KIF18B: variants seen among roughly 807,000 people sequenced by gnomAD.
KIF18B encodes kinesin-like protein KIF18B.
In KIF18B, 49 loss-of-function variants were observed where a neutral mutation model predicts 80.9. The ratio of observed to expected loss-of-function variants is 0.61; its 90% CI spans 0.48 to 0.77. KIF18B has a LOEUF of 0.77. Ranked by LOEUF, KIF18B falls within the 30% of genes least tolerant of loss-of-function variation. KIF18B has a pLI of 0.00. For missense variants in KIF18B, 994 were observed against 1,127.7 expected, an observed-to-expected ratio of 0.88 and a Z score of 1.70; for synonymous variants, 439 against 463.9, an observed-to-expected ratio of 0.95 and a Z score of 0.69.
intron 1 of KIF18B, among the ~76,000 whole-genome samples, chr17:44,941,131 C>G (rs917271557): frequency 3.3e-5 from 5 of 152,112 alleles, no homozygotes; most frequent in Non-Finnish European, 1.5e-5. Flanking sequence ...GGTCTCAATG[C>G]TAGTGAGTGA....
intron 11 of KIF18B, 96 bp from the exon 12 acceptor site, chr17:44,929,120 T>C: frequency 2.7e-6 from 3 of 1,123,114 alleles, no homozygotes; most frequent in South Asian, 1.3e-5. Flanking sequence ...CCAGCTGTGG[T>C]TGAGGAGTCT....
chr17:44,934,734 A>G lies in KIF18B; in HGVS notation c.576+97T>C. ...CCCCCTTGCTACCACCACCACTGCT[A>G]CCACCATCACAGGACCCAGGGCATC... On this transcript the variant is annotated intron_variant, in intron 4 of 15. Transcript: ENST00000593135. This position sits in a 1 kb window ranked among gnomAD's most constrained non-coding sequence, Gnocchi z 5.4. 1 of 1,252,710 alleles carries G rather than the reference A, an allele frequency of 8.0e-7. No individual in the cohort carries two copies. Among genetic ancestry groups the G allele is most frequent in the East Asian group, 2.6e-5 (1 of 38,990 alleles). The allele number at this position is 1,252,710 out of a possible 1,614,324, so 77.6% of individuals were successfully genotyped here.
chr17:44,937,977 T>TATAC (rs1467791325), intron 1 of KIF18B, among the ~76,000 whole-genome samples: 1 of 143,940 alleles, frequency 6.9e-6, no homozygotes. Flanking sequence ...AGCATCTCCA[T>TATAC]ACACACACAC....
In KIF18B at chr17:44,934,673, C is replaced by A; in HGVS notation, c.577-56G>T. ...TGGGTTCCCGGATCAGGACTTTTCC[C>A]CTAACAGGAAGGGCTGCTCTTCAGA... On this transcript the variant is annotated intron_variant, in intron 4 of 15. Transcript: ENST00000593135. This position sits in a 1 kb window ranked among gnomAD's most constrained non-coding sequence, Gnocchi z 5.4. The A allele has an allele frequency of 6.9e-7, 1 of 1,439,516 alleles. No homozygotes were observed. Among genetic ancestry groups the A allele is most frequent in the South Asian group, 1.4e-5 (1 of 73,716 alleles). The allele number at this position is 1,439,516 out of a possible 1,614,324, so 89.2% of individuals were successfully genotyped here. A position where few individuals can be genotyped will look rare whatever the true frequency, so the allele number is the denominator to read the frequency against.
At chr17:44,941,593 C>T (rs994783333) in intron 1 of KIF18B, among the ~76,000 whole-genome samples, 1 of 152,162 alleles carries the variant, frequency 6.6e-6, no homozygotes, top group East Asian at 1.9e-4. Context: ...CCTGCCTTGG[C>T]CTCCCAAAGT....
Position 44,934,969 on chromosome 17 carries a change from G to A in KIF18B, c.472-34C>T, listed in dbSNP as rs756624777. ...GGAAGAAAGGAAGAGGCCTGAGGGA[G>A]AGCGGCCCATCAGGAAACCTCTCCC... On this transcript the variant is annotated intron_variant, in intron 3 of 15. Transcript: ENST00000593135. This position sits in a 1 kb window ranked among gnomAD's most constrained non-coding sequence, Gnocchi z 5.4. 4.3e-5 allele frequency: 61 copies of A among 1,426,524 alleles called. No homozygotes were observed. Among genetic ancestry groups the A allele is most frequent in the Non-Finnish European group, 5.5e-5 (58 of 1,045,378 alleles). The allele number at this position is 1,426,524 out of a possible 1,614,324, so 88.4% of individuals were successfully genotyped here.
rs1362536324 is a variant in KIF18B, at chr17:44,927,042, C to G, written c.2313G>C (p.Lys771Asn). 2.5e-6 allele frequency: 4 copies of G among 1,612,680 alleles called. No individual in the cohort carries two copies. The highest frequency in any genetic ancestry group is 3.3e-5 in the Admixed American group (2 of 59,876). Residue 771 changes from lysine (K) to asparagine (N), a missense_variant, in exon 14 of 16, where the codon AAG becomes AAC. By Grantham distance (94) the Lys-to-Asn change is moderately conservative. Transcript: ENST00000593135. The surrounding 1 kb of genome is among the most constrained non-coding windows in gnomAD (Gnocchi z 4.1). ...AGGTCCCAGGGAGGGAAGATGTTGG[C>G]TTGGGGCCCTTCATGGTGAACAGGG... ...PVPLFTMKGP[K>N]PTSSLPGTSA...
Position 44,931,611 on chromosome 17 carries a change from C to T in KIF18B, c.1508G>A (p.Arg503His), listed in dbSNP as rs748677447. The T allele has an allele frequency of 2.0e-5, 32 of 1,613,854 alleles. No homozygotes were observed. Among genetic ancestry groups the T allele is most frequent in the Middle Eastern group, 1.6e-4 (1 of 6,084 alleles). Residue 503 changes from arginine to histidine, a missense_variant, in exon 11 of 16, where the codon CGT becomes CAT. By Grantham distance (29) the Arg-to-His change is conservative. Coordinates refer to ENST00000593135, the MANE Select transcript of KIF18B (RefSeq NM_001265577.2). The stretch of plus-strand genomic sequence containing the variant: ...GCAAGAAGATACCTACTGCTTAGAA[C>T]GGTCCCCATCCAGTTCCCGTGCTGA... ...HFSARELDGD[R>H]SKQLALKVLC...
rs1483765443 is a variant in KIF18B at position 44,934,594 on chromosome 17, C to T, written c.600G>A (p.Leu200=). The change falls in exon 5 of 16, where the codon CTG becomes CTA. Residue 200 remains leucine, a synonymous_variant. Coordinates refer to ENST00000593135, the MANE Select transcript of KIF18B (RefSeq NM_001265577.2). This position sits in a 1 kb window ranked among gnomAD's most constrained non-coding sequence, Gnocchi z 5.4. ...TACGGTTCCCCCTGGTCAGTATCTC[C>T]AGCAGCTGCTCGGCTGAGGCTGGCT... is the stretch of plus-strand genomic sequence containing the variant. ...FHQPASAEQL[L]EILTRGNRNR... The T allele has an allele frequency of 2.5e-6, 4 of 1,610,256 alleles. No homozygotes were observed. The South Asian group carries it at 4.4e-5, about 18-fold the overall frequency.
chr17:44,935,739 G>A (rs987472731), intron 2 of KIF18B, among the ~76,000 whole-genome samples: 3 of 152,174 alleles, frequency 2.0e-5, no homozygotes, highest in Non-Finnish European at 2.9e-5. Flanking sequence ...CCCACACACT[G>A]TGGGTGTGAT....
intron 9 of KIF18B, 126 bp from the exon 10 acceptor site, chr17:44,932,332 TAG>T: frequency 9.1e-7 from 1 of 1,100,524 alleles, no homozygotes; most frequent in Non-Finnish European, 1.3e-6. Context: ...CCAGGTCGTA[TAG>T]AGTCCATAAG....
Position 44,927,331 on chromosome 17 carries a change from C to A in KIF18B, c.2277-253G>T, listed in dbSNP as rs2052049912. Among the ~76,000 whole-genome samples, 1 of 152,204 alleles carries A rather than the reference C, an allele frequency of 6.6e-6. No homozygotes were observed. The highest frequency in any genetic ancestry group is 2.1e-4 in the South Asian group (1 of 4,828). On this transcript the variant is annotated intron_variant, in intron 13 of 15. Coordinates refer to ENST00000593135, the MANE Select transcript of KIF18B (RefSeq NM_001265577.2). The surrounding 1 kb of genome is among the most constrained non-coding windows in gnomAD (Gnocchi z 4.1). The stretch of plus-strand genomic sequence containing the variant: ...GAACTGGAGTTCAAACAATTTCACC[C>A]TTCCACCTGCCCAGCTCTGCGCTTG...
intron 11 of KIF18B, among the ~76,000 whole-genome samples, chr17:44,929,894 G>A (rs1290984894): frequency 6.6e-6 from 1 of 152,196 alleles, no homozygotes; most frequent in African/African-American, 2.4e-5. Flanking sequence ...GATTATTGAT[G>A]TTGTAAATTT....
chr17:44,936,616 ATATATATATTTTTTTTTTTT>A (rs2052310812), intron 1 of KIF18B, among the ~76,000 whole-genome samples: 8 of 79,786 alleles, frequency 1.0e-4, no homozygotes, highest in African/African-American at 3.6e-4. Context: ...ATATATATAT[ATATATATATTTTTTTTTTTT>A]TTTTTTTTTT....
In KIF18B at chr17:44,925,186, C is replaced by CA. The variant is rs1227436089; in HGVS notation, c.*893dup. The CA allele has an allele frequency of 6.6e-6, 1 of 152,594 alleles. No homozygotes were observed. The highest frequency in any genetic ancestry group is 6.5e-5 in the Admixed American group (1 of 15,276). The allele number at this position is 152,594 out of a possible 1,614,324, so 9.5% of individuals were successfully genotyped here. A position where few individuals can be genotyped will look rare whatever the true frequency, so the allele number is the denominator to read the frequency against. ...AGAGGGGAGGCCGGGCGCAGTGGCT[C>CA]ACGCCTGTAATCCCAGCACTTTGGG... On this transcript the variant is annotated 3_prime_UTR_variant, in exon 16 of 16. Transcript: ENST00000593135.
At chr17:44,947,090 CAG>C (rs10603237) in intron 1 of KIF18B, among the ~76,000 whole-genome samples, 67,754 of 115,176 alleles carry the variant, frequency 0.59, 21,308 homozygotes, top group African/African-American at 0.86. Flanking sequence ...GCCTGGGAGA[CAG>C]AGAGAGAGAG....
chr17:44,942,744 A>C (rs2052442902), intron 1 of KIF18B, among the ~76,000 whole-genome samples: 3 of 152,262 alleles, frequency 2.0e-5, no homozygotes, highest in Non-Finnish European at 4.4e-5. Flanking sequence ...CAGAGTCTGA[A>C]TCCAAAAATC....
chr17:44,928,446 T>G lies in KIF18B; in HGVS notation c.1856A>C (p.Gln619Pro), dbSNP rs1317966359. 1 of 1,537,078 alleles carries G rather than the reference T, an allele frequency of 6.5e-7. No homozygotes were observed. The highest frequency in any genetic ancestry group is 8.7e-7 in the Non-Finnish European group (1 of 1,146,588). The change falls in exon 13 of 16, where the codon CAG becomes CCG. Residue 619 changes from glutamine to proline, a missense_variant. Coordinates refer to ENST00000593135, the MANE Select transcript of KIF18B (RefSeq NM_001265577.2). ...CTTCTCCATGGGCCATCGGGACCCC[T>G]GGGCTGGGGTGCAGTTGGGTCCAGG... ...IPPGPNCTPA[Q>P]GSRWPMEKKR...
In KIF18B at chr17:44,932,749, G is replaced by A; in HGVS notation, c.1162C>T (p.Gln388Ter). The change falls in exon 9 of 16, where the codon CAA becomes TAA. Residue 388 changes from glutamine to a stop codon, truncating the protein, a stop_gained. Transcript: ENST00000593135. LOFTEE classifies it high-confidence loss of function. ...GGCTGGCCTCCCCCCTCATACACTT[G>A]GAGCTTCTTCCTCAGAGCGGCTACC... ...AEVAALRKKL[Q>*]VYEGGGQPPP... 1 of 1,613,372 alleles carries A rather than the reference G, an allele frequency of 6.2e-7. No individual in the cohort carries two copies. The highest frequency in any genetic ancestry group is 1.1e-5 in the South Asian group (1 of 91,072).
Sources: allele counts gnomAD v4.1 joint callset (sites outside exome capture counted in the v4.1 genomes callset), GRCh38; gene constraint gnomAD v4.1.1; non-coding constraint Gnocchi (gnomAD v3.1); transcripts MANE v1.5; gene names NCBI Gene and HGNC (gene_info 2026-07-23, HGNC 2026-07-21).